The following IRX3 variants were observed in gnomAD, a reference collection of about 807,000 sequenced individuals.
The protein encoded by IRX3 is iroquois-class homeodomain protein IRX-3.
Under a neutral mutation model 36.4 loss-of-function variants are expected in IRX3, and 20 were observed. The ratio of observed to expected loss-of-function variants is 0.55; its 90% confidence interval spans 0.39 to 0.80. The LOEUF (loss-of-function observed/expected upper bound fraction) is 0.80. Among genes scored for constraint, IRX3 ranks in the 30% least tolerant of loss-of-function variants. The pLI, the probability that IRX3 is intolerant of heterozygous loss-of-function variation, is 0.00. For missense variants in IRX3, 718 were observed against 733.2 expected (o/e 0.98, Z 0.24); for synonymous variants, 404 against 351.6 (o/e 1.15, Z -1.67).
Position 54,285,161 on chromosome 16 carries a change from C to CGT in IRX3, c.718_719dup (p.Gly241ArgfsTer20). The stretch of plus-strand genomic sequence containing the variant: ...CGTCGTCAGCCAGGCCCTCGCCCCC[C>CGT]GTGTCCTCCTCCTCCCCCCCGAGCT... On this transcript the variant is annotated frameshift_variant, in exon 2 of 4. Transcript: ENST00000329734. LOFTEE classifies it high-confidence loss of function. This position sits in a 1 kb window ranked among gnomAD's most constrained non-coding sequence, Gnocchi z 5.7. The CGT allele has an allele frequency of 2.5e-6, 4 of 1,606,720 alleles. No homozygotes were observed. The highest frequency in any genetic ancestry group is 3.4e-6 in the Non-Finnish European group (4 of 1,176,674).
Position 54,285,862 on chromosome 16 carries a change from C to A in IRX3, c.189G>T (p.Ala63=), listed in dbSNP as rs774679284. 6 of 1,542,898 alleles carry A rather than the reference C, an allele frequency of 3.9e-6. No homozygotes were observed. The South Asian group carries it at 6.0e-5, about 15-fold the overall frequency. The change falls in exon 1 of 4, where the codon GCG becomes GCT. Residue 63 remains alanine, a synonymous_variant. Coordinates refer to ENST00000329734, the MANE Select transcript of IRX3 (RefSeq NM_024336.3). The surrounding 1 kb of genome is among the most constrained non-coding windows in gnomAD (Gnocchi z 5.7). Reference sequence around the variant, plus strand: ...CTTGGGCGGCGGCGGCCGCAGCGGCCGCGGCGTAGGGCGCCCCGTACACGG... The same window carrying A: ...CTTGGGCGGCGGCGGCCGCAGCGGCAGCGGCGTAGGGCGCCCCGTACACGG... ...LSSVYGAPYA[A]AAAAAAAQGY...
rs1186220688 is a variant in IRX3, at chr16:54,285,723, C to T, written c.267+61G>A. 3 of 1,467,146 alleles carry T rather than the reference C, an allele frequency of 2.0e-6. No individual in the cohort carries two copies. Among genetic ancestry groups the T allele is most frequent in the Non-Finnish European group, 2.7e-6 (3 of 1,118,008 alleles). 90.9% of individuals were successfully genotyped at this position (1,467,146 alleles called of 1,614,324 possible). On this transcript the variant is annotated intron_variant, in intron 1 of 3. Coordinates refer to ENST00000329734, the MANE Select transcript of IRX3 (RefSeq NM_024336.3). The surrounding 1 kb of genome is among the most constrained non-coding windows in gnomAD (Gnocchi z 5.7). ...GCACCCCTCTAGTCCGGCCCCCGCG[C>T]GCTCAGCTCGCCCTGCGCCCCAGCG...
chr16:54,285,437 C>T lies in IRX3; in HGVS notation c.444G>A (p.Glu148=). 6.2e-7 allele frequency: 1 copy of T among 1,614,158 alleles called. No homozygotes were observed. The highest frequency in any genetic ancestry group is 2.2e-5 in the East Asian group (1 of 44,842). Residue 148 remains glutamate (E), a synonymous_variant, in exon 2 of 4, where the codon GAG becomes GAA. Transcript: ENST00000329734. The surrounding 1 kb of genome is among the most constrained non-coding windows in gnomAD (Gnocchi z 5.7). Reference sequence around the variant, plus strand: ...TGGTGGGGTAGGGGTTCTTGCGGTGCTCGTTGAGCCAGGCCTTCAGCGTGC... The same window carrying T: ...TGGTGGGGTAGGGGTTCTTGCGGTGTTCGTTGAGCCAGGCCTTCAGCGTGC... ...STSTLKAWLN[E]HRKNPYPTKG...
chr16:54,286,015 G>C lies in IRX3; in HGVS notation c.36C>G (p.Arg12=), dbSNP rs1261311583. Residue 12 remains arginine, a synonymous_variant, in exon 1 of 4, where the codon CGC becomes CGG. Coordinates refer to ENST00000329734, the MANE Select transcript of IRX3 (RefSeq NM_024336.3). Reference sequence around the variant, plus strand: ...CCGGGCGCTCGGACGGGTAAAGCGGGCGGATGTATTGGTATCCCAGCTGGG... The same window carrying C: ...CCGGGCGCTCGGACGGGTAAAGCGGCCGGATGTATTGGTATCCCAGCTGGG... ...SFPQLGYQYI[R]PLYPSERPGA... 101 of 1,343,424 alleles carry C rather than the reference G, an allele frequency of 7.5e-5. No homozygotes were observed. The highest frequency in any genetic ancestry group is 9.2e-5 in the Non-Finnish European group (97 of 1,050,724). 83.2% of individuals were successfully genotyped at this position (1,343,424 alleles called of 1,614,324 possible). A position where few individuals can be genotyped will look rare whatever the true frequency, so the allele number is the denominator to read the frequency against.
Position 54,284,679 on chromosome 16 carries a change from G to A in IRX3, c.1202C>T (p.Pro401Leu). 1 of 1,402,932 alleles carries A rather than the reference G, an allele frequency of 7.1e-7. No homozygotes were observed. Among genetic ancestry groups the A allele is most frequent in the Non-Finnish European group, 9.2e-7 (1 of 1,092,008 alleles). 86.9% of individuals were successfully genotyped at this position (1,402,932 alleles called of 1,614,324 possible). A position where few individuals can be genotyped will look rare whatever the true frequency, so the allele number is the denominator to read the frequency against. The change falls in exon 2 of 4, where the codon CCG becomes CTG. Residue 401 changes from proline (P) to leucine (L), a missense_variant. This residue lies in a region of IRX3 where 468 missense variants were observed against 462.1 expected (regional missense o/e 1.01). Coordinates refer to ENST00000329734, the MANE Select transcript of IRX3 (RefSeq NM_024336.3). This position sits in a 1 kb window ranked among gnomAD's most constrained non-coding sequence, Gnocchi z 4.0. ...GGTCCAAGCCGGGAACTTGCCCAGCGGCGCTGAGACCAGTCTGTGAGCGGC... is the reference window on the plus strand; with the variant it reads ...GGTCCAAGCCGGGAACTTGCCCAGCAGCGCTGAGACCAGTCTGTGAGCGGC... ...AAAAHRLVSA[P>L]LGKFPAWTNR...
Position 54,285,033 on chromosome 16 carries a change from C to T in IRX3, c.848G>A (p.Gly283Glu), listed in dbSNP as rs2144731039. 2 of 1,612,800 alleles carry T rather than the reference C, an allele frequency of 1.2e-6. No individual in the cohort carries two copies. Among genetic ancestry groups the T allele is most frequent in the East Asian group, 4.5e-5 (2 of 44,788 alleles). ...AARRDGDLGL[G>E]PISDSKNSDS... ...GCTATTTTTGGAGTCCGAAATGGGT[C>T]CCAGGCCTAGGTCGCCATCCCTGCG... Residue 283 changes from glycine to glutamate, a missense_variant, in exon 2 of 4, where the codon GGA (glycine) becomes GAA (glutamate). Gly to Glu is a moderately conservative substitution (Grantham distance 98). Around this residue, in one of 3 missense-constraint regions of IRX3, gnomAD observed 468 missense variants for 462.1 expected, o/e 1.01. Coordinates refer to ENST00000329734, the MANE Select transcript of IRX3 (RefSeq NM_024336.3). The surrounding 1 kb of genome is among the most constrained non-coding windows in gnomAD (Gnocchi z 5.7).
chr16:54,283,516 T>G lies in IRX3; in HGVS notation c.*170A>C, dbSNP rs1901223921. Reference sequence around the variant, plus strand: ...GCCACAGAAGCGACTTGGGGAGGGCTGAGGAGGACTGGTTTTATTTCTTTT... The same window carrying G: ...GCCACAGAAGCGACTTGGGGAGGGCGGAGGAGGACTGGTTTTATTTCTTTT... On this transcript the variant is annotated 3_prime_UTR_variant, in exon 4 of 4. Transcript: ENST00000329734. This position sits in a 1 kb window ranked among gnomAD's most constrained non-coding sequence, Gnocchi z 4.4. The G allele has an allele frequency of 9.4e-6, 5 of 534,092 alleles. No individual in the cohort carries two copies. In the South Asian group the frequency reaches 1.1e-4, roughly 12 times the overall value. The allele number at this position is 534,092 out of a possible 1,614,324, so 33.1% of individuals were successfully genotyped here. A position where few individuals can be genotyped will look rare whatever the true frequency, so the allele number is the denominator to read the frequency against.
Position 54,284,516 on chromosome 16 carries a change from C to T in IRX3, c.1365G>A (p.Ala455=), listed in dbSNP as rs574874693. 2.8e-6 allele frequency: 4 copies of T among 1,409,598 alleles called. No homozygotes were observed. The African/African-American group carries it at 6.0e-5, about 21-fold the overall frequency. The allele number at this position is 1,409,598 out of a possible 1,614,324, so 87.3% of individuals were successfully genotyped here. A position where few individuals can be genotyped will look rare whatever the true frequency, so the allele number is the denominator to read the frequency against. ...PAAAAAFARP[A]EPEGGTDRCS... ...AGTCACCTGTTCCGCCTTCGGGCTC[C>T]GCTGGCCGAGCGAAGGCGGCGGCGG... is the stretch of plus-strand genomic sequence containing the variant. The change falls in exon 2 of 4, where the codon GCG becomes GCA. Residue 455 remains alanine (A), a synonymous_variant. Coordinates refer to ENST00000329734, the MANE Select transcript of IRX3 (RefSeq NM_024336.3). This position sits in a 1 kb window ranked among gnomAD's most constrained non-coding sequence, Gnocchi z 4.0.
rs138097550 is a variant in IRX3, at chr16:54,285,911, C to G, written c.140G>C (p.Gly47Ala). ...GAGASELNAS[G>A]SLSNVLSSVY... Reference sequence around the variant, plus strand: ...GGACGAGAGCACGTTGGACAGGGACCCCGAGGCGTTCAGCTCCGAGGCTCC... The same window carrying G: ...GGACGAGAGCACGTTGGACAGGGACGCCGAGGCGTTCAGCTCCGAGGCTCC... Residue 47 changes from glycine to alanine, a missense_variant, in exon 1 of 4, where the codon GGG (glycine) becomes GCG (alanine). By Grantham distance (60) the Gly-to-Ala change is moderately conservative. Transcript: ENST00000329734. This position sits in a 1 kb window ranked among gnomAD's most constrained non-coding sequence, Gnocchi z 5.7. 1.1e-4 allele frequency: 171 copies of G among 1,524,910 alleles called. No individual in the cohort carries two copies. In the Middle Eastern group the frequency reaches 1.4e-3, roughly 12 times the overall value. 94.5% of individuals were successfully genotyped at this position (1,524,910 alleles called of 1,614,324 possible). A position where few individuals can be genotyped will look rare whatever the true frequency, so the allele number is the denominator to read the frequency against.
chr16:54,285,328 G>A lies in IRX3; in HGVS notation c.553C>T (p.Leu185Phe). ...STWFANARRR[L>F]KKENKMTWAP... Reference sequence around the variant, plus strand: ...CAAGTCATCTTATTCTCCTTCTTGAGGCGCCGGCGCGCGTTGGCGAACCAG... The same window carrying A: ...CAAGTCATCTTATTCTCCTTCTTGAAGCGCCGGCGCGCGTTGGCGAACCAG... Residue 185 changes from leucine (L) to phenylalanine (F), a missense_variant, in exon 2 of 4, where the codon CTC (leucine) becomes TTC (phenylalanine). Leu to Phe is a conservative substitution (Grantham distance 22, BLOSUM62 0). This residue lies in a region of IRX3 where 468 missense variants were observed against 462.1 expected (regional missense o/e 1.01). Transcript: ENST00000329734. The surrounding 1 kb of genome is among the most constrained non-coding windows in gnomAD (Gnocchi z 5.7). 1 of 1,614,146 alleles carries A rather than the reference G, an allele frequency of 6.2e-7. No homozygotes were observed. The highest frequency in any genetic ancestry group is 2.2e-5 in the East Asian group (1 of 44,832).
Position 54,284,467 on chromosome 16 carries a change from C to T in IRX3, c.1384+30G>A, listed in dbSNP as rs1203670747. The T allele has an allele frequency of 2.2e-6, 3 of 1,393,140 alleles. No homozygotes were observed. Among genetic ancestry groups the T allele is most frequent in the South Asian group, 1.6e-5 (1 of 61,582 alleles). The allele number at this position is 1,393,140 out of a possible 1,614,324, so 86.3% of individuals were successfully genotyped here. On this transcript the variant is annotated intron_variant, in intron 2 of 3. Transcript: ENST00000329734. The surrounding 1 kb of genome is among the most constrained non-coding windows in gnomAD (Gnocchi z 4.0). ...TCCGGCACTACCCGCAGAGCCCGCC[C>T]CCGCTCCGCGCCCAGCGCTCAGCAG...
In IRX3 at chr16:54,286,003, C is replaced by T. The variant is rs1270403785; in HGVS notation, c.48G>A (p.Pro16=). Residue 16 remains proline, a synonymous_variant, in exon 1 of 4, where the codon CCG becomes CCA. Transcript: ENST00000329734. ...CGCCAGCGGCCCCCGGGCGCTCGGA[C>T]GGGTAAAGCGGGCGGATGTATTGGT... The part of the protein sequence containing the change: ...LGYQYIRPLY[P]SERPGAAGGS... 2.2e-6 allele frequency: 3 copies of T among 1,347,620 alleles called. No homozygotes were observed. Among genetic ancestry groups the T allele is most frequent in the South Asian group, 2.0e-5 (1 of 48,880 alleles). 83.5% of individuals were successfully genotyped at this position (1,347,620 alleles called of 1,614,324 possible). A position where few individuals can be genotyped will look rare whatever the true frequency, so the allele number is the denominator to read the frequency against.
At position 54,284,906 on chromosome 16, in the gene IRX3, C is replaced by T; in HGVS notation, c.975G>A (p.Pro325=). The T allele has an allele frequency of 6.3e-7, 1 of 1,579,650 alleles. No homozygotes were observed. Among genetic ancestry groups the T allele is most frequent in the Non-Finnish European group, 8.6e-7 (1 of 1,163,696 alleles). ...PPVAVASPSL[P]SPPVSLDPCA... ...AGGGGTCCAGGCTCACGGGGGGCGA[C>T]GGCAGAGACGGCGAGGCCACGGCCA... The change falls in exon 2 of 4, where the codon CCG becomes CCA. Residue 325 remains proline, a synonymous_variant. Transcript: ENST00000329734. This position sits in a 1 kb window ranked among gnomAD's most constrained non-coding sequence, Gnocchi z 4.0.
rs1461844459 is a variant in IRX3, at chr16:54,284,055, T to C, written c.1451+191A>G. On this transcript the variant is annotated intron_variant, in intron 3 of 3. Coordinates refer to ENST00000329734, the MANE Select transcript of IRX3 (RefSeq NM_024336.3). The surrounding 1 kb of genome is among the most constrained non-coding windows in gnomAD (Gnocchi z 4.0). ...ACCCTCCGGCCGCGCCTGGGGTGCCTGGGCTGGACCTGGAGAGCTGTCGCA... is the reference window on the plus strand; with the variant it reads ...ACCCTCCGGCCGCGCCTGGGGTGCCCGGGCTGGACCTGGAGAGCTGTCGCA... The C allele has an allele frequency of 6.3e-6, 8 of 1,260,798 alleles. No homozygotes were observed. The African/African-American group carries it at 9.1e-5, about 14-fold the overall frequency. 78.1% of individuals were successfully genotyped at this position (1,260,798 alleles called of 1,614,324 possible).
In IRX3 at chr16:54,284,536, C is replaced by A. The variant is rs1432323167; in HGVS notation, c.1345G>T (p.Ala449Ser). 32 of 1,416,774 alleles carry A rather than the reference C, an allele frequency of 2.3e-5. No homozygotes were observed. In the East Asian group the frequency reaches 9.7e-4, roughly 43 times the overall value. 87.8% of individuals were successfully genotyped at this position (1,416,774 alleles called of 1,614,324 possible). Residue 449 changes from alanine (A) to serine (S), a missense_variant, in exon 2 of 4, where the codon GCC becomes TCC. By Grantham distance (99) the Ala-to-Ser change is moderately conservative. Around this residue, in one of 3 missense-constraint regions of IRX3, gnomAD observed 468 missense variants for 462.1 expected, o/e 1.01. Coordinates refer to ENST00000329734, the MANE Select transcript of IRX3 (RefSeq NM_024336.3). The surrounding 1 kb of genome is among the most constrained non-coding windows in gnomAD (Gnocchi z 4.0). ...PGAAGHPAAA[A>S]AFARPAEPEG... ...GGCTCCGCTGGCCGAGCGAAGGCGGCGGCGGCAGCCGGGTGGCCCGCGGCT... is the reference window on the plus strand; with the variant it reads ...GGCTCCGCTGGCCGAGCGAAGGCGGAGGCGGCAGCCGGGTGGCCCGCGGCT...
In IRX3 at chr16:54,286,112, G is replaced by T. The variant is rs1423221410; in HGVS notation, c.-62C>A. On this transcript the variant is annotated 5_prime_UTR_variant, in exon 1 of 4. Transcript: ENST00000329734. ...CCCCCGGGCCGCCCAGCTCAGCGCC[G>T]CCCGCGGGCTCCGGCGCGCATCGGG... 4 of 1,183,384 alleles carry T rather than the reference G, an allele frequency of 3.4e-6. No individual in the cohort carries two copies. Among genetic ancestry groups the T allele is most frequent in the Non-Finnish European group, 4.2e-6 (4 of 948,736 alleles). 73.3% of individuals were successfully genotyped at this position (1,183,384 alleles called of 1,614,324 possible).
Position 54,286,347 on chromosome 16 carries a change from C to T in IRX3, c.-297G>A, listed in dbSNP as rs1596760897. The T allele has an allele frequency of 1.0e-6, 1 of 989,080 alleles. No individual in the cohort carries two copies. The highest frequency in any genetic ancestry group is 5.2e-4 in the Middle Eastern group (1 of 1,938). The allele number at this position is 989,080 out of a possible 1,614,324, so 61.3% of individuals were successfully genotyped here. ...AGCCCCTCCTCTCTGCGCCGCGCTC[C>T]CTCCTCTCGGCCGCCGGAGCTGCCT... On this transcript the variant is annotated 5_prime_UTR_variant, in exon 1 of 4. Coordinates refer to ENST00000329734, the MANE Select transcript of IRX3 (RefSeq NM_024336.3).
Position 54,286,243 on chromosome 16 carries a change from G to T in IRX3, c.-193C>A. The T allele has an allele frequency of 9.9e-7, 1 of 1,010,608 alleles. No homozygotes were observed. The highest frequency in any genetic ancestry group is 1.2e-6 in the Non-Finnish European group (1 of 847,298). The allele number at this position is 1,010,608 out of a possible 1,614,324, so 62.6% of individuals were successfully genotyped here. A position where few individuals can be genotyped will look rare whatever the true frequency, so the allele number is the denominator to read the frequency against. On this transcript the variant is annotated 5_prime_UTR_variant, in exon 1 of 4. Transcript: ENST00000329734. ...CGACGGCGGCGGCGAGGGCGGCGGCGAGGAGCCAGGTCAGGTCCGAACAGA... is the reference window on the plus strand; with the variant it reads ...CGACGGCGGCGGCGAGGGCGGCGGCTAGGAGCCAGGTCAGGTCCGAACAGA...
Position 54,284,257 on chromosome 16 carries a change from G to C in IRX3, c.1440C>G (p.Pro480=). ...EKKLLKTAFQ[P]VPRRPQNHLD... The stretch of plus-strand genomic sequence containing the variant: ...TCGGGGTTTCTTACCGCCTGGGCAC[G>C]GGCTGGAAAGCTGTCTTGAGTAACT... Residue 480 remains proline, a synonymous_variant, in exon 3 of 4, where the codon CCC becomes CCG. Transcript: ENST00000329734. This position sits in a 1 kb window ranked among gnomAD's most constrained non-coding sequence, Gnocchi z 4.0. The C allele has an allele frequency of 6.2e-7, 1 of 1,612,266 alleles. No homozygotes were observed. The highest frequency in any genetic ancestry group is 8.5e-7 in the Non-Finnish European group (1 of 1,179,084).
Sources: allele counts gnomAD v4.1 joint callset, GRCh38; gene constraint gnomAD v4.1.1; regional missense constraint gnomAD v4.1.1; non-coding constraint Gnocchi (gnomAD v3.1); transcripts MANE v1.5; gene names NCBI Gene and HGNC (gene_info 2026-07-23, HGNC 2026-07-21).